Variants in CD109 observed in about 807,000 individuals in gnomAD.
CD109 encodes CD109 antigen.
CD109 carries 149 observed loss-of-function variants against 165.8 expected under a neutral mutation model. That is an observed-to-expected ratio of 0.90 (90% CI 0.79 to 1.03). CD109 has a LOEUF of 1.03. CD109 is among the 50% of genes least tolerant of loss of function. The pLI is 0.00. For synonymous variants in CD109, 585 were observed against 592.1 expected (o/e 0.99, Z 0.18); for missense variants, 1,712 against 1,677.8 (o/e 1.02, Z -0.36).
At chr6:73,679,932 G>A in the CD109 span, among the ~76,000 whole-genome samples, 1 of 152,114 alleles carries the variant, frequency 6.6e-6, no homozygotes, top group African/African-American at 2.4e-5. Flanking sequence ...ACTACACCCG[G>A]GTATAGATGT....
Position 73,730,470 on chromosome 6 carries a change from A to G in CD109, c.403A>G (p.Thr135Ala), listed in dbSNP as rs2150179885. The part of the protein sequence containing the change: ...ETKRISVFIQ[T>A]DKALYKPKQE... ...CAAGAGAATATCTGTCTTCATTCAA[A>G]CAGACAAGGCCTTATACAAGCCAAA... is the stretch of plus-strand genomic sequence containing the variant. Residue 135 changes from threonine to alanine, a missense_variant, in exon 4 of 33, where the codon ACA becomes GCA. By Grantham distance (58) the Thr-to-Ala change is moderately conservative. Transcript: ENST00000287097. 1 of 1,613,854 alleles carries G rather than the reference A, an allele frequency of 6.2e-7. No homozygotes were observed. The highest frequency in any genetic ancestry group is 8.5e-7 in the Non-Finnish European group (1 of 1,179,732).
the CD109 span, among the ~76,000 whole-genome samples, chr6:73,684,757 T>G: frequency 6.6e-6 from 1 of 152,004 alleles, no homozygotes; most frequent in African/African-American, 2.4e-5. Flanking sequence ...CAATCATAGC[T>G]CACGGTAACC....
intron 15 of CD109, among the ~76,000 whole-genome samples, chr6:73,774,177 A>G (rs1774150739): frequency 6.6e-6 from 1 of 152,122 alleles, no homozygotes; most frequent in Admixed American, 6.6e-5. Flanking sequence ...ACTTTTCAGT[A>G]ATTTTGTGTC....
At chr6:73,734,157 C>A (rs758141315) in intron 4 of CD109, among the ~76,000 whole-genome samples, 1 of 152,230 alleles carries the variant, frequency 6.6e-6, no homozygotes, top group Non-Finnish European at 1.5e-5. Context: ...TCTGCATTCT[C>A]TCCCTCTGCC....
At chr6:73,698,633 G>C (rs1267708979) in intron 2 of CD109, among the ~76,000 whole-genome samples, 4 of 152,206 alleles carry the variant, frequency 2.6e-5, no homozygotes, top group Non-Finnish European at 5.9e-5. Flanking sequence ...AAAAGTAAAA[G>C]TTTATCTGCA....
intron 4 of CD109, among the ~76,000 whole-genome samples, chr6:73,732,322 T>G (rs151316829): frequency 6.6e-6 from 1 of 152,330 alleles, no homozygotes; most frequent in East Asian, 1.9e-4. Context: ...ATGTATACAT[T>G]TAACTTTGAG....
intron 3 of CD109, among the ~76,000 whole-genome samples, chr6:73,729,947 A>G (rs1007134441): frequency 2.6e-5 from 4 of 152,204 alleles, no homozygotes; most frequent in Non-Finnish European, 5.9e-5. Flanking sequence ...GCAAGAAACA[A>G]ATTTTGTGCA....
At chr6:73,697,326 A>G in intron 1 of CD109, 74 bp from the exon 2 acceptor site, 1 of 1,425,982 alleles carries the variant, frequency 7.0e-7, no homozygotes, top group Non-Finnish European at 9.7e-7. Flanking sequence ...TCGCACTAGG[A>G]AATCTGAGGG....
chr6:73,758,824 C>A (rs1441017066), intron 6 of CD109, 120 bp from the exon 7 acceptor site: 1 of 673,066 alleles, frequency 1.5e-6, no homozygotes, highest in South Asian at 1.7e-5. Flanking sequence ...TCCTTCACAA[C>A]AATTTTATTT....
At chr6:73,783,215 C>A (rs931240154) in intron 18 of CD109, among the ~76,000 whole-genome samples, 1 of 152,186 alleles carries the variant, frequency 6.6e-6, no homozygotes, top group Non-Finnish European at 1.5e-5. Context: ...TGATAAACCC[C>A]GTACCACCTG....
chr6:73,741,862 G>A (rs187365397), intron 5 of CD109, among the ~76,000 whole-genome samples: 3 of 152,022 alleles, frequency 2.0e-5, no homozygotes, highest in Non-Finnish European at 4.4e-5. Context: ...GTAGAGATGG[G>A]GTTTCACCAT....
At chr6:73,681,321 CATTTGTGTGTGT>C in the CD109 span, among the ~76,000 whole-genome samples, 1 of 99,234 alleles carries the variant, frequency 1.0e-5, no homozygotes, top group Non-Finnish European at 2.3e-5. Context: ...TTACAGTTAC[CATTTGTGTGTGT>C]GTGTGTGTGT....
At chr6:73,778,285 A>G (rs139480948) in intron 15 of CD109, among the ~76,000 whole-genome samples, 1,604 of 152,180 alleles carry the variant, frequency 0.011, 32 homozygotes, top group African/African-American at 0.037. Flanking sequence ...GGTTTAAGAA[A>G]CTTTTGGGCT....
intron 29 of CD109, among the ~76,000 whole-genome samples, chr6:73,812,673 TAGTA>T (rs1775793982): frequency 6.6e-6 from 1 of 152,074 alleles, no homozygotes; most frequent in Admixed American, 6.6e-5. Context: ...TCTTATATAA[TAGTA>T]AATATAACAA....
At chr6:73,752,419 A>G (rs1773227983) in intron 5 of CD109, among the ~76,000 whole-genome samples, 1 of 152,184 alleles carries the variant, frequency 6.6e-6, no homozygotes, top group Non-Finnish European at 1.5e-5. Context: ...TGGTAAAAAT[A>G]ATGTGTTTTC....
intron 25 of CD109, among the ~76,000 whole-genome samples, chr6:73,807,728 C>T (rs1305876389): frequency 6.6e-6 from 1 of 152,150 alleles, no homozygotes; most frequent in Non-Finnish European, 1.5e-5. Flanking sequence ...TTTTCCTGAA[C>T]TTAGGGCCGC....
At chr6:73,777,254 C>G (rs1023117895) in intron 15 of CD109, among the ~76,000 whole-genome samples, 165 of 150,584 alleles carry the variant, frequency 1.1e-3, no homozygotes, top group African/African-American at 3.9e-3. Context: ...GCCACTGTGC[C>G]TGGCCCCTTT....
intron 1 of CD109, 39 bp downstream of exon 1, chr6:73,696,328 G>T: frequency 7.2e-7 from 1 of 1,382,454 alleles, no homozygotes; most frequent in Non-Finnish European, 9.3e-7. Flanking sequence ...CGGGCGCGCG[G>T]GCCTGGGCCG....
intron 1 of CD109, among the ~76,000 whole-genome samples, chr6:73,697,041 C>A (rs865837615): frequency 6.6e-6 from 1 of 152,218 alleles, no homozygotes; most frequent in Non-Finnish European, 1.5e-5. Flanking sequence ...ATAAGGTCCT[C>A]TGTAAAGGAG....
Sources: gnomAD v4.1 joint callset for allele counts (sites outside exome capture counted in the v4.1 genomes callset) on GRCh38, gnomAD v4.1.1 for gene constraint, MANE v1.5 for transcripts, NCBI Gene and HGNC (gene_info 2026-07-23, HGNC 2026-07-21) for gene names.